MLLT3: variants seen among roughly 807,000 people sequenced by gnomAD.
The protein encoded by MLLT3 is MLLT3 super elongation complex subunit.
Under a neutral mutation model 53.2 loss-of-function variants are expected in MLLT3, and 4 were observed. The ratio of observed to expected loss-of-function variants is 0.08; its 90% CI spans 0.04 to 0.17. The LOEUF (loss-of-function observed/expected upper bound fraction) is 0.17, where lower values mean the gene tolerates loss of function less well. MLLT3 is among the 10% of genes least tolerant of loss of function. The probability of loss-of-function intolerance (pLI) is 1.00; values close to 1 mark genes in which losing one functional copy is unlikely to be tolerated. For missense variants in MLLT3, 569 were observed against 684.0 expected (o/e 0.83, Z 1.87); for synonymous variants, 283 against 230.6 (o/e 1.23, Z -2.06).
At chr9:20,608,906 T>C (rs1225526256) in intron 2 of MLLT3, among the ~76,000 whole-genome samples, 2 of 152,014 alleles carry the variant, frequency 1.3e-5, no homozygotes, top group Non-Finnish European at 2.9e-5. Context: ...CATTCTACGA[T>C]AGTATTTCTT....
At chr9:20,480,613 G>C (rs1382211909) in intron 2 of MLLT3, among the ~76,000 whole-genome samples, 1 of 152,170 alleles carries the variant, frequency 6.6e-6, no homozygotes, top group Non-Finnish European at 1.5e-5. Flanking sequence ...GGTCTTCCGA[G>C]CTAGGCACTT....
chr9:20,500,337 G>C (rs1825190090), intron 2 of MLLT3, among the ~76,000 whole-genome samples: 2 of 152,282 alleles, frequency 1.3e-5, no homozygotes, highest in South Asian at 4.1e-4. Context: ...TTTCACAACT[G>C]AACACCGTAT....
At chr9:20,545,675 G>C (rs1253263261) in intron 2 of MLLT3, among the ~76,000 whole-genome samples, 1 of 151,914 alleles carries the variant, frequency 6.6e-6, no homozygotes, top group South Asian at 2.1e-4. Context: ...AACCGTATTA[G>C]ATTTAAATCA....
intron 5 of MLLT3, among the ~76,000 whole-genome samples, chr9:20,387,201 T>C (rs1822060748): frequency 6.6e-6 from 1 of 152,206 alleles, no homozygotes; most frequent in Non-Finnish European, 1.5e-5. Context: ...AACTCTACTC[T>C]TGTAGCATGA....
intron 2 of MLLT3, among the ~76,000 whole-genome samples, chr9:20,480,698 T>C (rs1257416825): frequency 6.6e-6 from 1 of 152,174 alleles, no homozygotes; most frequent in Non-Finnish European, 1.5e-5. Flanking sequence ...AATCAATTAA[T>C]ATTCATAGAG....
intron 2 of MLLT3, among the ~76,000 whole-genome samples, chr9:20,554,155 C>T (rs1563814804): frequency 6.6e-6 from 1 of 152,110 alleles, no homozygotes; most frequent in East Asian, 1.9e-4. Context: ...TAACATTTTT[C>T]ATATAACCCC....
At chr9:20,442,335 T>A (rs533567962) in intron 4 of MLLT3, among the ~76,000 whole-genome samples, 1 of 151,550 alleles carries the variant, frequency 6.6e-6, no homozygotes, top group African/African-American at 2.4e-5. Context: ...AAATTTCACT[T>A]TGCCTTGGAC....
chr9:20,559,312 A>G (rs1819140977), intron 2 of MLLT3, among the ~76,000 whole-genome samples: 1 of 152,302 alleles, frequency 6.6e-6, no homozygotes, highest in Non-Finnish European at 1.5e-5. Context: ...GACACTTTTA[A>G]CTTTTGCTAT....
intron 2 of MLLT3, among the ~76,000 whole-genome samples, chr9:20,569,599 A>G (rs1029110843): frequency 6.6e-6 from 1 of 152,148 alleles, no homozygotes; most frequent in Non-Finnish European, 1.5e-5. Context: ...AAAGTACACA[A>G]GCCAATGACG....
chr9:20,608,819 T>C (rs1216967316), intron 2 of MLLT3, among the ~76,000 whole-genome samples: 1 of 152,030 alleles, frequency 6.6e-6, no homozygotes, highest in East Asian at 1.9e-4. Context: ...TCAAGAAAAC[T>C]TGAAAAAGCC....
chr9:20,612,540 T>C lies in MLLT3; in HGVS notation c.193+8114A>G, dbSNP rs975564217. 2.7e-5 allele frequency among the ~76,000 whole-genome samples: 4 copies of C among 150,832 alleles called. No individual in the cohort carries two copies. In the South Asian group the frequency reaches 8.4e-4, roughly 32 times the overall value. ...GGCAAAAAGATACCATAAATCAAGA[T>C]AAAAGAAAAAAATGAGGCAAGATAT... On this transcript the variant is annotated intron_variant, in intron 2 of 10. Transcript: ENST00000380338.
intron 9 of MLLT3, among the ~76,000 whole-genome samples, chr9:20,354,404 C>T (rs1395555172): frequency 6.6e-6 from 1 of 152,238 alleles, no homozygotes; most frequent in Non-Finnish European, 1.5e-5. Context: ...AACCAGGCAA[C>T]TTAACCCCAC....
At chr9:20,503,192 A>C (rs1563790433) in intron 2 of MLLT3, among the ~76,000 whole-genome samples, 1 of 152,186 alleles carries the variant, frequency 6.6e-6, no homozygotes. Flanking sequence ...TAGAAAAAAC[A>C]ATCCTAAAAT....
At chr9:20,443,484 A>T (rs1178667773) in intron 4 of MLLT3, among the ~76,000 whole-genome samples, 1 of 152,198 alleles carries the variant, frequency 6.6e-6, no homozygotes, top group Non-Finnish European at 1.5e-5. Context: ...CGAGCCCTTT[A>T]CACAAGCAAA....
At chr9:20,352,670 T>C (rs1821057585) in intron 10 of MLLT3, among the ~76,000 whole-genome samples, 1 of 134,898 alleles carries the variant, frequency 7.4e-6, no homozygotes, top group African/African-American at 2.8e-5. Context: ...TAAGCAAAAA[T>C]GTACACAGAA....
chr9:20,526,239 G>T (rs918878447), intron 2 of MLLT3, among the ~76,000 whole-genome samples: 16 of 152,032 alleles, frequency 1.1e-4, no homozygotes, highest in African/African-American at 3.9e-4. Flanking sequence ...ATGATAATAG[G>T]TATACAGTTT....
At chr9:20,577,186 A>G (rs568392597) in intron 2 of MLLT3, among the ~76,000 whole-genome samples, 1 of 152,156 alleles carries the variant, frequency 6.6e-6, no homozygotes, top group Non-Finnish European at 1.5e-5. Context: ...TAATATATTT[A>G]ATAACTCCAG....
chr9:20,526,557 T>C (rs1353594890), intron 2 of MLLT3, among the ~76,000 whole-genome samples: 2 of 152,234 alleles, frequency 1.3e-5, no homozygotes, highest in East Asian at 1.9e-4. Flanking sequence ...TTCACTAATG[T>C]AGATCATTCT....
At chr9:20,547,914 T>G (rs1188257827) in intron 2 of MLLT3, among the ~76,000 whole-genome samples, 1 of 152,176 alleles carries the variant, frequency 6.6e-6, no homozygotes. Context: ...ATCACATGAC[T>G]GCACTCCCAT....
Sources: gnomAD v4.1 joint callset for allele counts (sites outside exome capture counted in the v4.1 genomes callset) on GRCh38, gnomAD v4.1.1 for gene constraint, MANE v1.5 for transcripts, NCBI Gene and HGNC (gene_info 2026-07-23, HGNC 2026-07-21) for gene names.